The following RXRA variants were observed in gnomAD, a reference collection of about 807,000 sequenced individuals.
RXRA encodes retinoic acid receptor RXR-alpha.
Under a neutral mutation model 44.5 loss-of-function variants are expected in RXRA, and 5 were observed. That is an observed-to-expected ratio of 0.11 (90% CI 0.06 to 0.24). The LOEUF is 0.24. Ranked by LOEUF, RXRA falls within the 10% of genes least tolerant of loss-of-function variation. The probability of loss-of-function intolerance (pLI) is 1.00; values close to 1 mark genes in which losing one functional copy is unlikely to be tolerated. For missense variants in RXRA, 412 were observed against 646.5 expected, an observed-to-expected ratio of 0.64 and a Z score of 3.93; for synonymous variants, 291 against 271.4, an observed-to-expected ratio of 1.07 and a Z score of -0.71.
intron 1 of RXRA, among the ~76,000 whole-genome samples, chr9:134,391,020 C>G (rs1323136484): frequency 6.6e-6 from 1 of 152,140 alleles, no homozygotes; most frequent in African/African-American, 2.4e-5. Context: ...TGCCTGGACT[C>G]TGTCCACCGC....
In RXRA at chr9:134,365,844, T is replaced by C. The variant is rs1040687976; in HGVS notation, c.29-35788T>C. On this transcript the variant is annotated intron_variant, in intron 1 of 9. Coordinates refer to ENST00000481739, the MANE Select transcript of RXRA (RefSeq NM_002957.6). The surrounding 1 kb of genome is among the most constrained non-coding windows in gnomAD (Gnocchi z 4.0). ...CTCTGGTGGCTTGCCCATGCCACCA[T>C]TCCTACTGCTAGGCTCAGGCCTGTC... Among the ~76,000 whole-genome samples, 2 of 151,884 alleles carry C rather than the reference T, an allele frequency of 1.3e-5. No homozygotes were observed. The highest frequency in any genetic ancestry group is 2.9e-5 in the Non-Finnish European group (2 of 67,960).
At chr9:134,415,089 C>G (rs10115133) in intron 4 of RXRA, among the ~76,000 whole-genome samples, 2,523 of 152,332 alleles carry the variant, frequency 0.017, 74 homozygotes, top group African/African-American at 0.057. Context: ...CTGCGGGGTC[C>G]CTGGCTGGCT....
At chr9:134,414,931 T>A (rs1204984658) in intron 4 of RXRA, among the ~76,000 whole-genome samples, 2 of 152,152 alleles carry the variant, frequency 1.3e-5, no homozygotes, top group African/African-American at 4.8e-5. Flanking sequence ...CACCGCCCTC[T>A]GGAGGGCTCA....
chr9:134,414,247 C>T (rs1401482096), intron 4 of RXRA, among the ~76,000 whole-genome samples: 1 of 152,264 alleles, frequency 6.6e-6, no homozygotes, highest in Non-Finnish European at 1.5e-5. Flanking sequence ...CCAAGGAGCC[C>T]AGCTCCAGGC....
At chr9:134,382,657 C>T (rs917821591) in intron 1 of RXRA, among the ~76,000 whole-genome samples, 1 of 152,004 alleles carries the variant, frequency 6.6e-6, no homozygotes, top group Non-Finnish European at 1.5e-5. Flanking sequence ...TCAGCCCCTC[C>T]AGTTATCCAG....
rs568762857 is a variant in RXRA at position 134,401,836 on chromosome 9, C to T, written c.233C>T (p.Ser78Leu). ...ISSPMGPHSM[S>L]VPTTPTLGFS... ...TCCCCCATGGGCCCCCACTCCATGT[C>T]GGTGCCCACCACACCCACCCTGGGC... The change falls in exon 2 of 10, where the codon TCG becomes TTG. Residue 78 changes from serine (S) to leucine (L), a missense_variant. Physicochemically the swap from Ser to Leu is moderately radical, Grantham distance 145 (BLOSUM62 -2). Around this residue, in one of 4 missense-constraint regions of RXRA, gnomAD observed 156 missense variants for 177.2 expected, o/e 0.88. Coordinates refer to ENST00000481739, the MANE Select transcript of RXRA (RefSeq NM_002957.6). 2.1e-5 allele frequency: 34 copies of T among 1,612,062 alleles called. No individual in the cohort carries two copies. In the Middle Eastern group the frequency reaches 5.0e-4, roughly 24 times the overall value.
At chr9:134,429,274 C>G (rs753053862) in intron 7 of RXRA, 34 bp downstream of exon 7, 1 of 1,598,862 alleles carries the variant, frequency 6.3e-7, no homozygotes, top group Admixed American at 1.7e-5. Context: ...GAGGGCGCTT[C>G]GGTCACCTCC....
At position 134,433,626 on chromosome 9, in the gene RXRA, C is replaced by G. The variant is rs887469146; in HGVS notation, c.1136-476C>G. 6.6e-6 allele frequency among the ~76,000 whole-genome samples: 1 copy of G among 152,082 alleles called. No homozygotes were observed. The highest frequency in any genetic ancestry group is 2.4e-5 in the African/African-American group (1 of 41,396). On this transcript the variant is annotated intron_variant, in intron 8 of 9. Coordinates refer to ENST00000481739, the MANE Select transcript of RXRA (RefSeq NM_002957.6). The surrounding 1 kb of genome is among the most constrained non-coding windows in gnomAD (Gnocchi z 4.2). ...TAGGCTCTTGAGCCCGGGTCCTGAG[C>G]TCAGGACTCCGCAAGCACACCGAGG... is the stretch of plus-strand genomic sequence containing the variant.
At chr9:134,347,525 G>C (rs1377901096) in intron 1 of RXRA, among the ~76,000 whole-genome samples, 2 of 152,232 alleles carry the variant, frequency 1.3e-5, no homozygotes, top group Non-Finnish European at 2.9e-5. Context: ...CCCCTGCTGT[G>C]ACCCCACACC....
intron 1 of RXRA, among the ~76,000 whole-genome samples, chr9:134,372,617 A>C (rs1268177642): frequency 6.6e-6 from 1 of 152,136 alleles, no homozygotes; most frequent in Non-Finnish European, 1.5e-5. Context: ...TATTAGGCTT[A>C]GTTTAGAGGA....
At position 134,417,210 on chromosome 9, in the gene RXRA, G is replaced by A. The variant is rs930209936; in HGVS notation, c.663G>A (p.Glu221=). ...RGKDRNENEV[E]STSSANEDMP... is the part of the protein sequence containing the mutation. ...AGGACCGGAACGAGAATGAGGTGGA[G>A]TCGACCAGCAGCGCCAACGAGGACA... Residue 221 remains glutamate, a synonymous_variant, in exon 5 of 10, where the codon GAG becomes GAA. Coordinates refer to ENST00000481739, the MANE Select transcript of RXRA (RefSeq NM_002957.6). This position sits in a 1 kb window ranked among gnomAD's most constrained non-coding sequence, Gnocchi z 6.1. The A allele has an allele frequency of 7.4e-6, 12 of 1,613,638 alleles. No homozygotes were observed. The highest frequency in any genetic ancestry group is 1.0e-5 in the Non-Finnish European group (12 of 1,179,980).
intron 1 of RXRA, among the ~76,000 whole-genome samples, chr9:134,367,681 G>A (rs1175261659): frequency 2.6e-5 from 4 of 152,212 alleles, no homozygotes; most frequent in South Asian, 2.1e-4. Context: ...GCCTGTGCAG[G>A]GGGTGTGTGG....
In RXRA at chr9:134,369,131, TG is replaced by T. The variant is rs557783470; in HGVS notation, c.29-32500del. Among the ~76,000 whole-genome samples the T allele has an allele frequency of 4.0e-3, 119 of 29,808 alleles. 3 individuals are homozygous for T. The highest frequency in any genetic ancestry group is 0.02 in the African/African-American group (108 of 5,356). The allele number at this position is 29,808 out of a possible 152,430, so 19.6% of individuals were successfully genotyped here. On this transcript the variant is annotated intron_variant, in intron 1 of 9. Transcript: ENST00000481739. ...TGGGGTTGTGTGTGAGTGCAGGGGT[TG>T]TGTGTGGGGTTATGTGTGTGTGAGT...
chr9:134,412,979 G>A (rs776464625), intron 4 of RXRA, among the ~76,000 whole-genome samples: 5 of 152,222 alleles, frequency 3.3e-5, no homozygotes, highest in African/African-American at 9.6e-5. Flanking sequence ...AGGGTCTGGC[G>A]TGTGTGCACC....
rs1486572242 is a variant in RXRA, at chr9:134,433,164, C to T, written c.1136-938C>T. On this transcript the variant is annotated intron_variant, in intron 8 of 9. Transcript: ENST00000481739. This position sits in a 1 kb window ranked among gnomAD's most constrained non-coding sequence, Gnocchi z 4.2. Reference sequence around the variant, plus strand: ...ATCTTCTTGTGGGGAGAGCTTGTTTCCAGGGTCATTTTATCACCCAGGCTG... The same window carrying T: ...ATCTTCTTGTGGGGAGAGCTTGTTTTCAGGGTCATTTTATCACCCAGGCTG... 2.0e-5 allele frequency among the ~76,000 whole-genome samples: 3 copies of T among 152,092 alleles called. No individual in the cohort carries two copies. The highest frequency in any genetic ancestry group is 1.9e-4 in the East Asian group (1 of 5,172).
intron 1 of RXRA, among the ~76,000 whole-genome samples, chr9:134,346,523 G>A (rs1390190279): frequency 6.6e-6 from 1 of 152,224 alleles, no homozygotes; most frequent in Non-Finnish European, 1.5e-5. Context: ...GTTCCCGGGC[G>A]TGTTGGGGGC....
intron 4 of RXRA, among the ~76,000 whole-genome samples, chr9:134,411,838 G>A (rs951627967): frequency 6.6e-5 from 10 of 152,210 alleles, no homozygotes; most frequent in Non-Finnish European, 1.3e-4. Context: ...TGTGCACAGG[G>A]GGAGTCTCTT....
At chr9:134,350,857 A>G (rs1380831973) in intron 1 of RXRA, among the ~76,000 whole-genome samples, 2 of 152,140 alleles carry the variant, frequency 1.3e-5, no homozygotes, top group Non-Finnish European at 2.9e-5. Context: ...CCTGGCCTGG[A>G]TGGTGCCTCC....
At chr9:134,367,571 G>A (rs955639891) in intron 1 of RXRA, among the ~76,000 whole-genome samples, 9 of 152,366 alleles carry the variant, frequency 5.9e-5, no homozygotes, top group African/African-American at 1.4e-4. Context: ...TGAAACCCCC[G>A]GCTCCTGGCC....
Sources: allele counts gnomAD v4.1 joint callset (sites outside exome capture counted in the v4.1 genomes callset), GRCh38; gene constraint gnomAD v4.1.1; regional missense constraint gnomAD v4.1.1; non-coding constraint Gnocchi (gnomAD v3.1); transcripts MANE v1.5; gene names NCBI Gene and HGNC (gene_info 2026-07-23, HGNC 2026-07-21).